The following PSTPIP2 variants were observed in gnomAD, a reference collection of about 807,000 sequenced individuals.
PSTPIP2 encodes the protein proline-serine-threonine phosphatase interacting protein 2.
PSTPIP2 carries 33 observed loss-of-function variants against 63.3 expected under a neutral mutation model. The ratio of observed to expected loss-of-function variants is 0.52; its 90% CI spans 0.40 to 0.70. PSTPIP2 has a LOEUF of 0.70. Ranked by LOEUF, PSTPIP2 falls within the 30% of genes least tolerant of loss-of-function variation. PSTPIP2 has a pLI of 0.00. For missense variants in PSTPIP2, 312 were observed against 400.7 expected (o/e 0.78, Z 1.89); for synonymous variants, 125 against 132.7 (o/e 0.94, Z 0.40).
At chr18:46,000,158 C>G (rs1568211887) in intron 6 of PSTPIP2, among the ~76,000 whole-genome samples, 1 of 152,000 alleles carries the variant, frequency 6.6e-6, no homozygotes, top group Non-Finnish European at 1.5e-5. Context: ...ATAACAACAA[C>G]AACAACAATT....
chr18:46,024,837 T>G (rs1369189399), intron 2 of PSTPIP2, 151 bp from the exon 3 acceptor site: 2 of 640,546 alleles, frequency 3.1e-6, no homozygotes, highest in Non-Finnish European at 5.5e-6. Flanking sequence ...TCCCTCTGTA[T>G]GATAGGGAAC....
At chr18:46,029,701 G>T (rs898471916) in intron 2 of PSTPIP2, 23 of 692,182 alleles carry the variant, frequency 3.3e-5, no homozygotes, top group Non-Finnish European at 5.5e-5. Context: ...AGCAGTCATT[G>T]GTTCATCTTC....
intron 2 of PSTPIP2, among the ~76,000 whole-genome samples, chr18:46,034,389 G>A (rs1276315129): frequency 6.6e-6 from 1 of 152,150 alleles, no homozygotes; most frequent in Admixed American, 6.5e-5. Context: ...ACTTTCTCAA[G>A]AGACCATTAA....
intron 3 of PSTPIP2, among the ~76,000 whole-genome samples, chr18:46,024,401 G>T (rs1222343197): frequency 6.6e-6 from 1 of 152,112 alleles, no homozygotes; most frequent in Non-Finnish European, 1.5e-5. Flanking sequence ...GCCTCCCAAA[G>T]TGCTGGGGTT....
At chr18:46,071,804 G>A (rs1055348552) in intron 1 of PSTPIP2, among the ~76,000 whole-genome samples, 3 of 152,228 alleles carry the variant, frequency 2.0e-5, no homozygotes, top group African/African-American at 7.2e-5. Context: ...TGAGAGGAGG[G>A]GTTGATGTCC....
intron 2 of PSTPIP2, chr18:46,029,485 T>C: frequency 1.0e-6 from 1 of 985,226 alleles, no homozygotes. Context: ...GCAGTTTATA[T>C]GGATTAAGCA....
At chr18:46,061,471 C>A (rs555854816) in intron 1 of PSTPIP2, among the ~76,000 whole-genome samples, 106 of 152,266 alleles carry the variant, frequency 7.0e-4, no homozygotes, top group African/African-American at 2.5e-3. Flanking sequence ...CCATGCTGCC[C>A]AGGGAAAAGC....
chr18:46,029,147 T>A, intron 2 of PSTPIP2: 1 of 879,338 alleles, frequency 1.1e-6, no homozygotes, highest in Non-Finnish European at 2.0e-6. Flanking sequence ...TAGCCATGAG[T>A]ACTCACAGCA....
chr18:46,014,407 T>TG (rs1262557581), intron 4 of PSTPIP2, among the ~76,000 whole-genome samples: 2 of 152,084 alleles, frequency 1.3e-5, no homozygotes, highest in Non-Finnish European at 2.9e-5. Flanking sequence ...AAACAGGATG[T>TG]GGTTCTAAAA....
intron 1 of PSTPIP2, among the ~76,000 whole-genome samples, chr18:46,063,825 C>A (rs1056116867): frequency 1.3e-5 from 2 of 151,988 alleles, no homozygotes; most frequent in Non-Finnish European, 2.9e-5. Flanking sequence ...ATTGAATGAG[C>A]AGAAAAAAAG....
chr18:46,054,380 G>A (rs1908681450), intron 1 of PSTPIP2, among the ~76,000 whole-genome samples: 1 of 152,078 alleles, frequency 6.6e-6, no homozygotes, highest in South Asian at 2.1e-4. Flanking sequence ...GTGGAGCACA[G>A]GGGAATTTTA....
chr18:46,022,736 C>T (rs1907413058), intron 3 of PSTPIP2, among the ~76,000 whole-genome samples: 1 of 152,100 alleles, frequency 6.6e-6, no homozygotes, highest in Non-Finnish European at 1.5e-5. Flanking sequence ...AAAGTAGGCA[C>T]CATGACCTGG....
rs1199130502 is a variant in PSTPIP2 at position 45,988,626 on chromosome 18, A to G, written c.*8+76T>C. 5.4e-6 allele frequency: 7 copies of G among 1,298,416 alleles called. No homozygotes were observed. The East Asian group carries it at 1.4e-4, about 26-fold the overall frequency. 80.4% of individuals were successfully genotyped at this position (1,298,416 alleles called of 1,614,324 possible). A position where few individuals can be genotyped will look rare whatever the true frequency, so the allele number is the denominator to read the frequency against. The stretch of plus-strand genomic sequence containing the variant: ...TTGCTAGTTTGTGGTAGTGTTATAA[A>G]TAAGGTTCAAAGGCTTCAATAGCAC... On this transcript the variant is annotated intron_variant, in intron 14 of 14. Transcript: ENST00000409746.
Position 45,997,800 on chromosome 18 carries a change from G to A in PSTPIP2, c.591C>T (p.Thr197=), listed in dbSNP as rs750776412. Residue 197 remains threonine, a synonymous_variant, in exon 9 of 15, where the codon ACC becomes ACT. Transcript: ENST00000409746. ...GCCACTCTTCTCGGACCTTATCCAG[G>A]GTGCCGATGTGCAGCATGTATGCTT... ...SDKAYMLHIG[T]LDKVREEWQS... 6.5e-7 allele frequency: 1 copy of A among 1,547,454 alleles called. No individual in the cohort carries two copies. Among genetic ancestry groups the A allele is most frequent in the Admixed American group, 1.8e-5 (1 of 55,818 alleles).
rs2051541295 is a variant in PSTPIP2 at position 45,992,113 on chromosome 18, A to G, written c.831T>C (p.Ile277=). 1 of 1,607,494 alleles carries G rather than the reference A, an allele frequency of 6.2e-7. No homozygotes were observed. Among genetic ancestry groups the G allele is most frequent in the African/African-American group, 1.3e-5 (1 of 74,868 alleles). ...CCCCACTGCCCCATTCACCTGGTGGAATCTGTCCAGTTTTGCGTTGATTCA... is the reference window on the plus strand; with the variant it reads ...CCCCACTGCCCCATTCACCTGGTGGGATCTGTCCAGTTTTGCGTTGATTCA... ...YFVNQRKTGQ[I]PPAPIMYENF... The change falls in exon 11 of 15, where the codon ATT becomes ATC. Residue 277 remains isoleucine (I), a synonymous_variant. Transcript: ENST00000409746.
In PSTPIP2 at chr18:45,985,064, C is replaced by A; in HGVS notation, c.*395G>T. 1 of 233,536 alleles carries A rather than the reference C, an allele frequency of 4.3e-6. No individual in the cohort carries two copies. Among genetic ancestry groups the A allele is most frequent in the Non-Finnish European group, 8.2e-6 (1 of 122,266 alleles). 14.5% of individuals were successfully genotyped at this position (233,536 alleles called of 1,614,324 possible). A position where few individuals can be genotyped will look rare whatever the true frequency, so the allele number is the denominator to read the frequency against. On this transcript the variant is annotated 3_prime_UTR_variant, in exon 15 of 15. Coordinates refer to ENST00000409746, the MANE Select transcript of PSTPIP2 (RefSeq NM_024430.4). ...GAGGCTGTGTGTCGCCGTGGAAACT[C>A]CACAGCCAGGCTGCCCAAAGCCAAA...
rs1258704888 is a variant in PSTPIP2 at position 46,051,198 on chromosome 18, G to A, written c.34-11151C>T. ...CATAACAAAAATTGAACATAAGGCC[G>A]GGTGCAGTGGCTCACACCTGTAATC... On this transcript the variant is annotated intron_variant, in intron 1 of 14. Transcript: ENST00000409746. 6.6e-5 allele frequency among the ~76,000 whole-genome samples: 10 copies of A among 152,106 alleles called. No individual in the cohort carries two copies. In the East Asian group the frequency reaches 7.8e-4, roughly 12 times the overall value.
intron 1 of PSTPIP2, among the ~76,000 whole-genome samples, chr18:46,059,281 A>C (rs995765943): frequency 1.4e-4 from 21 of 147,754 alleles, no homozygotes; most frequent in African/African-American, 5.0e-4. Context: ...ACAGAGTCTC[A>C]CTCTGTCACC....
chr18:46,043,310 G>A (rs1908261398), intron 1 of PSTPIP2, among the ~76,000 whole-genome samples: 1 of 147,066 alleles, frequency 6.8e-6, no homozygotes, highest in African/African-American at 2.5e-5. Flanking sequence ...AGGATTGATT[G>A]AGCCTGGGAG....
Sources: gnomAD v4.1 joint callset for allele counts (sites outside exome capture counted in the v4.1 genomes callset) on GRCh38, gnomAD v4.1.1 for gene constraint, MANE v1.5 for transcripts, NCBI Gene and HGNC (gene_info 2026-07-23, HGNC 2026-07-21) for gene names.